Variants in ARL17A observed in about 807,000 individuals in gnomAD.
ARL17A encodes ARF like GTPase 17A.
chr17:46,545,196 C>A (rs2056090068), intron 3 of ARL17A, among the ~76,000 whole-genome samples: 1 of 135,780 alleles, frequency 7.4e-6, no homozygotes, highest in Non-Finnish European at 1.5e-5. Flanking sequence ...CTTTGGAAGG[C>A]CGAGGTGGGA....
downstream of ARL17A, chr17:46,548,657 G>C (rs1347750023): frequency 3.1e-6 from 5 of 1,606,094 alleles, no homozygotes; most frequent in Admixed American, 5.0e-5. Context: ...GGCCCAAGGA[G>C]CATCCAGAAA....
intron 3 of ARL17A, among the ~76,000 whole-genome samples, chr17:46,541,800 G>A (rs2055372543): frequency 6.6e-6 from 1 of 151,044 alleles, no homozygotes; most frequent in Non-Finnish European, 1.5e-5. Flanking sequence ...ACCTGAGGCT[G>A]TATACAAACA....
chr17:46,560,386 G>A (rs1310529643), intron 3 of ARL17A: 1 of 13,786 alleles, frequency 7.3e-5, no homozygotes, highest in Non-Finnish European at 1.5e-4. Flanking sequence ...ACCAAATCCC[G>A]TATCTACTGC....
downstream of ARL17A, among the ~76,000 whole-genome samples, chr17:46,516,336 T>C (rs1000413102): frequency 2.5e-4 from 26 of 103,122 alleles, 1 homozygote; most frequent in African/African-American, 8.7e-4. Context: ...AGAAAGAGAA[T>C]AGGCATAAAA....
chr17:46,535,260 TGC>T (rs1252855279), intron 4 of ARL17A, among the ~76,000 whole-genome samples: 1 of 147,164 alleles, frequency 6.8e-6, no homozygotes, highest in Non-Finnish European at 1.5e-5. Context: ...TGTGATGAGT[TGC>T]TTTTCTCTTG....
In ARL17A at chr17:46,533,793, C is replaced by T. The variant is rs1425199107; in HGVS notation, c.335+4558G>A. Among the ~76,000 whole-genome samples the T allele has an allele frequency of 1.4e-4, 13 of 93,508 alleles. 1 individual carries two copies. The highest frequency in any genetic ancestry group is 3.3e-4 in the Admixed American group (3 of 9,216). 61.3% of individuals were successfully genotyped at this position (93,508 alleles called of 152,430 possible). A position where few individuals can be genotyped will look rare whatever the true frequency, so the allele number is the denominator to read the frequency against. Reference sequence around the variant, plus strand: ...CTGGGATTACAGGCCTGAGCCACTGCGCCCAGCCAGTGCTTTTTATTTCTT... The same window carrying T: ...CTGGGATTACAGGCCTGAGCCACTGTGCCCAGCCAGTGCTTTTTATTTCTT... On this transcript the variant is annotated intron_variant, in intron 4 of 4. Transcript: ENST00000329240.
chr17:46,501,109 G>C, the ARL17A span, among the ~76,000 whole-genome samples: 2 of 151,300 alleles, frequency 1.3e-5, no homozygotes, highest in African/African-American at 2.5e-5. Context: ...AGGCTGGTCT[G>C]TAAATCCTGA....
At chr17:46,534,866 G>C (rs1319912486) in intron 4 of ARL17A, among the ~76,000 whole-genome samples, 12 of 149,636 alleles carry the variant, frequency 8.0e-5, no homozygotes, top group Admixed American at 6.6e-4. Context: ...CTGCCGGGCA[G>C]AGGGGCTCCT....
At chr17:46,502,630 A>G in the ARL17A span, among the ~76,000 whole-genome samples, 2 of 151,448 alleles carry the variant, frequency 1.3e-5, no homozygotes, top group African/African-American at 4.9e-5. Context: ...TTTAGCACAT[A>G]CACCTAGTTG....
chr17:46,568,516 G>T (rs952977568), intron 3 of ARL17A, among the ~76,000 whole-genome samples: 10 of 114,766 alleles, frequency 8.7e-5, no homozygotes, highest in Admixed American at 6.0e-4. Context: ...AAAAAAAGAG[G>T]GGGGGAGGCC....
At position 46,530,362 on chromosome 17, in the gene ARL17A, G is replaced by A. The variant is rs573768408; in HGVS notation, c.336-1503C>T. On this transcript the variant is annotated intron_variant, in intron 4 of 4. Transcript: ENST00000329240. Reference sequence around the variant, plus strand: ...AGAATCCATACTTAACCAGTCATGTGGCACTCACATTCTTTCTCTTTGTAA... The same window carrying A: ...AGAATCCATACTTAACCAGTCATGTAGCACTCACATTCTTTCTCTTTGTAA... Among the ~76,000 whole-genome samples the A allele has an allele frequency of 4.0e-3, 552 of 137,890 alleles. 2 individuals are homozygous for A. Among genetic ancestry groups the A allele is most frequent in the African/African-American group, 9.7e-3 (327 of 33,830 alleles). 90.5% of individuals were successfully genotyped at this position (137,890 alleles called of 152,430 possible).
At chr17:46,541,937 C>T (rs1466674924) in intron 3 of ARL17A, among the ~76,000 whole-genome samples, 8 of 144,078 alleles carry the variant, frequency 5.6e-5, no homozygotes, top group African/African-American at 2.2e-4. Context: ...AGTAGTATTC[C>T]GGTTGTGTGG....
rs1304332867 is a variant in ARL17A at position 46,532,345 on chromosome 17, A to G, written c.336-3486T>C. On this transcript the variant is annotated intron_variant, in intron 4 of 4. Coordinates refer to the ARL17A transcript ENST00000329240. ...GCCAGATTTTGTCAAGCATTTTTCC[A>G]TCTACATTCATAAGAAATACTGGTC... Among the ~76,000 whole-genome samples the G allele has an allele frequency of 2.0e-5, 3 of 150,476 alleles. 1 individual carries two copies. Among genetic ancestry groups the G allele is most frequent in the African/African-American group, 7.5e-5 (3 of 39,998 alleles).
intron 3 of ARL17A, among the ~76,000 whole-genome samples, chr17:46,545,307 T>G (rs1395083211): frequency 6.9e-6 from 1 of 145,256 alleles, no homozygotes; most frequent in Admixed American, 6.7e-5. Flanking sequence ...AAAAATTAGC[T>G]GGGCATGGTG....
the ARL17A span, among the ~76,000 whole-genome samples, chr17:46,502,374 G>A: frequency 3.3e-5 from 5 of 151,234 alleles, no homozygotes; most frequent in East Asian, 3.9e-4. Context: ...GCAATGGCCC[G>A]GTCTCTGCTC....
At chr17:46,500,909 G>C in the ARL17A span, among the ~76,000 whole-genome samples, 1 of 151,114 alleles carries the variant, frequency 6.6e-6, no homozygotes, top group African/African-American at 2.5e-5. Flanking sequence ...GCCGGGCACT[G>C]TGGCTCATGC....
downstream of ARL17A, chr17:46,548,280 C>T (rs1287721879): frequency 2.5e-6 from 1 of 401,572 alleles, no homozygotes; most frequent in East Asian, 4.4e-5. Context: ...CATCATCTTT[C>T]ATGATCAAAG....
At chr17:46,532,793 G>A (rs1227928348) in intron 4 of ARL17A, among the ~76,000 whole-genome samples, 2 of 148,834 alleles carry the variant, frequency 1.3e-5, no homozygotes, top group East Asian at 3.9e-4. Flanking sequence ...CTCATTTCTA[G>A]TTTTAATAAT....
chr17:46,503,579 TAAGA>T, the ARL17A span, among the ~76,000 whole-genome samples: 1 of 128,260 alleles, frequency 7.8e-6, no homozygotes, highest in African/African-American at 3.1e-5. Flanking sequence ...GAAATAGACA[TAAGA>T]AAGAACTGGT....
Sources: allele counts gnomAD v4.1 joint callset (sites outside exome capture counted in the v4.1 genomes callset), GRCh38; gene constraint gnomAD v4.1.1; transcripts MANE v1.5; gene names NCBI Gene and HGNC (gene_info 2026-07-23, HGNC 2026-07-21).